Variants in ERGIC1 observed in about 807,000 individuals in gnomAD.
The protein encoded by ERGIC1 is endoplasmic reticulum-Golgi intermediate compartment protein 1.
Under a neutral mutation model 38.3 loss-of-function variants are expected in ERGIC1, and 19 were observed. The ratio of observed to expected loss-of-function variants is 0.50; its 90% CI spans 0.35 to 0.73. The LOEUF is 0.73. Among genes scored for constraint, ERGIC1 ranks in the 30% least tolerant of loss-of-function variants. The pLI, the probability that ERGIC1 is intolerant of heterozygous loss-of-function variation, is 0.01. For synonymous variants in ERGIC1, 124 were observed against 157.6 expected (o/e 0.79, Z 1.60); for missense variants, 294 against 389.2 (o/e 0.76, Z 2.06).
At chr5:172,899,378 C>T (rs996254993) in intron 3 of ERGIC1, among the ~76,000 whole-genome samples, 4 of 133,946 alleles carry the variant, frequency 3.0e-5, no homozygotes, top group African/African-American at 1.2e-4. Flanking sequence ...AGTGCAGTGG[C>T]GTGATCTCGG....
intron 7 of ERGIC1, among the ~76,000 whole-genome samples, chr5:172,928,809 A>G (rs977633033): frequency 2.0e-5 from 3 of 152,188 alleles, no homozygotes; most frequent in Non-Finnish European, 4.4e-5. Context: ...TGGGAAAGTC[A>G]TTTAACTCTG....
chr5:172,862,385 G>T (rs1375459036), intron 1 of ERGIC1, among the ~76,000 whole-genome samples: 1 of 148,656 alleles, frequency 6.7e-6, no homozygotes, highest in African/African-American at 2.5e-5. Context: ...GAAAATGTAG[G>T]TGGAGACTTC....
At chr5:172,918,862 C>G (rs1763440697) in intron 5 of ERGIC1, among the ~76,000 whole-genome samples, 4 of 152,208 alleles carry the variant, frequency 2.6e-5, no homozygotes, top group African/African-American at 4.8e-5. Flanking sequence ...ACTACTCACC[C>G]ACAGGCCTCA....
At chr5:172,906,433 C>T (rs1452945789) in intron 3 of ERGIC1, among the ~76,000 whole-genome samples, 1 of 152,066 alleles carries the variant, frequency 6.6e-6, no homozygotes, top group Non-Finnish European at 1.5e-5. Context: ...CATGAATGCA[C>T]GTAGTAGGCC....
At chr5:172,901,777 T>TTAC (rs1386812684) in intron 3 of ERGIC1, among the ~76,000 whole-genome samples, 1 of 152,086 alleles carries the variant, frequency 6.6e-6, no homozygotes, top group African/African-American at 2.4e-5. Flanking sequence ...TTTTAATTCT[T>TTAC]TGTAGAGACA....
chr5:172,911,585 A>C (rs575507199), intron 4 of ERGIC1, among the ~76,000 whole-genome samples: 8 of 152,232 alleles, frequency 5.3e-5, no homozygotes, highest in African/African-American at 1.9e-4. Flanking sequence ...TATAGGAAAA[A>C]ACGCATGCTC....
intron 1 of ERGIC1, among the ~76,000 whole-genome samples, chr5:172,841,083 C>T (rs1353908183): frequency 2.0e-5 from 3 of 152,220 alleles, no homozygotes; most frequent in South Asian, 2.1e-4. Context: ...TTGGGAAACA[C>T]AGCCCTAATT....
At chr5:172,844,835 C>A (rs1761245415) in intron 1 of ERGIC1, among the ~76,000 whole-genome samples, 1 of 152,188 alleles carries the variant, frequency 6.6e-6, no homozygotes, top group South Asian at 2.1e-4. Flanking sequence ...AGTGACACAC[C>A]CTTCCTGCAC....
chr5:172,935,160 C>T (rs1397346592), intron 8 of ERGIC1, 28 bp from the exon 9 acceptor site: 1 of 1,613,906 alleles, frequency 6.2e-7, no homozygotes, highest in African/African-American at 1.3e-5. Context: ...ACAGTTTGTA[C>T]TTCTGATTCT....
chr5:172,945,669 G>C (rs577239), intron 9 of ERGIC1, among the ~76,000 whole-genome samples: 140,406 of 152,088 alleles, frequency 0.92, 64,827 homozygotes, highest in East Asian at 0.96. Flanking sequence ...CAGGGGTTTT[G>C]TCGTTTTATT....
intron 2 of ERGIC1, among the ~76,000 whole-genome samples, chr5:172,893,400 G>A (rs1289340466): frequency 3.3e-5 from 5 of 152,040 alleles, no homozygotes; most frequent in South Asian, 2.1e-4. Context: ...CGTCTGCCTC[G>A]GCCTCCCAAA....
intron 4 of ERGIC1, among the ~76,000 whole-genome samples, chr5:172,910,520 C>CTTTTTTTTTTTTTTTTT (rs58360974): frequency 7.2e-6 from 1 of 139,010 alleles, no homozygotes; most frequent in African/African-American, 2.8e-5. Flanking sequence ...TGAATTACTT[C>CTTTTTTTTTTTTTTTTT]TTTTTTTTTT....
At chr5:172,898,095 A>G (rs887712715) in intron 3 of ERGIC1, 1 of 390,890 alleles carries the variant, frequency 2.6e-6, no homozygotes, top group African/African-American at 2.1e-5. Flanking sequence ...TACAGCCCGG[A>G]AAGTCATCAC....
intron 5 of ERGIC1, chr5:172,921,699 T>G (rs1195563176): frequency 6.6e-6 from 1 of 152,356 alleles, no homozygotes; most frequent in Non-Finnish European, 1.5e-5. Context: ...CTTGTGCCTC[T>G]TTGTTTCCTG....
chr5:172,845,580 A>C (rs1761266546), intron 1 of ERGIC1, among the ~76,000 whole-genome samples: 1 of 151,936 alleles, frequency 6.6e-6, no homozygotes, highest in Non-Finnish European at 1.5e-5. Context: ...CAAACAGACA[A>C]CCCCTGCCCT....
At chr5:172,918,503 C>G (rs1024376128) in intron 5 of ERGIC1, among the ~76,000 whole-genome samples, 2 of 152,130 alleles carry the variant, frequency 1.3e-5, no homozygotes, top group East Asian at 3.9e-4. Flanking sequence ...GGCAGTCGAA[C>G]AGGAAGGAGG....
chr5:172,892,344 G>A (rs760102372), intron 2 of ERGIC1, among the ~76,000 whole-genome samples: 40 of 152,078 alleles, frequency 2.6e-4, no homozygotes, highest in Non-Finnish European at 2.6e-4. Flanking sequence ...TGGGCAGGGC[G>A]GGCTGACTTG....
chr5:172,920,792 G>A (rs191490763), intron 5 of ERGIC1, among the ~76,000 whole-genome samples: 11 of 152,332 alleles, frequency 7.2e-5, no homozygotes, highest in East Asian at 1.9e-4. Context: ...CCCGATCTGC[G>A]GAAGGCCCTG....
At chr5:172,944,100 TG>T (rs975685764) in intron 9 of ERGIC1, among the ~76,000 whole-genome samples, 2 of 152,178 alleles carry the variant, frequency 1.3e-5, no homozygotes, top group African/African-American at 4.8e-5. Context: ...TCAGACTCAC[TG>T]GGGCCCAGGT....
Sources: gnomAD v4.1 joint callset for allele counts (sites outside exome capture counted in the v4.1 genomes callset) on GRCh38, gnomAD v4.1.1 for gene constraint, MANE v1.5 for transcripts, NCBI Gene and HGNC (gene_info 2026-07-23, HGNC 2026-07-21) for gene names.